The following RAPGEF4 variants were observed in gnomAD, a reference collection of about 807,000 sequenced individuals.
The protein encoded by RAPGEF4 is RAP guanine-nucleotide-exchange factor (GEF) 4.
Under a neutral mutation model 147.9 loss-of-function variants are expected in RAPGEF4, and 66 were observed. The ratio of observed to expected loss-of-function variants is 0.45; its 90% confidence interval spans 0.37 to 0.55. The LOEUF is 0.55. Ranked by LOEUF, RAPGEF4 falls within the 20% of genes least tolerant of loss-of-function variation. The pLI, the probability that RAPGEF4 is intolerant of heterozygous loss-of-function variation, is 0.00. For missense variants in RAPGEF4, 1,071 were observed against 1,257.3 expected (o/e 0.85, Z 2.24); for synonymous variants, 419 against 442.7 (o/e 0.95, Z 0.67).
At chr2:173,000,488 A>C (rs542891561) in intron 16 of RAPGEF4, among the ~76,000 whole-genome samples, 1 of 152,316 alleles carries the variant, frequency 6.6e-6, no homozygotes, top group East Asian at 1.9e-4. Flanking sequence ...GTTTGCCTTC[A>C]TGAGCTTTCC....
chr2:172,768,506 A>T (rs1475427613), intron 1 of RAPGEF4, among the ~76,000 whole-genome samples: 1 of 127,864 alleles, frequency 7.8e-6, no homozygotes, highest in Non-Finnish European at 1.6e-5. Context: ...AACCAAAAGT[A>T]AAAAAAAAAA....
intron 6 of RAPGEF4, among the ~76,000 whole-genome samples, chr2:172,951,745 G>A (rs1017497943): frequency 6.6e-6 from 1 of 152,182 alleles, no homozygotes; most frequent in Non-Finnish European, 1.5e-5. Flanking sequence ...GTTGCAAGGA[G>A]CCAGACAGTT....
intron 4 of RAPGEF4, chr2:172,889,631 G>GTATA (rs1264585687): frequency 6.6e-6 from 1 of 152,124 alleles, no homozygotes; most frequent in African/African-American, 2.4e-5. Flanking sequence ...GTATATATAT[G>GTATA]TATATATACA....
At chr2:172,932,250 C>T (rs1218710610) in intron 6 of RAPGEF4, among the ~76,000 whole-genome samples, 1 of 152,170 alleles carries the variant, frequency 6.6e-6, no homozygotes, top group African/African-American at 2.4e-5. Flanking sequence ...AGCTCATTCA[C>T]TCATTCATCC....
At chr2:172,903,350 CAG>C (rs1405640720) in intron 4 of RAPGEF4, among the ~76,000 whole-genome samples, 1 of 111,152 alleles carries the variant, frequency 9.0e-6, no homozygotes, top group African/African-American at 3.6e-5. Context: ...GACTGGGGGA[CAG>C]AGTGAGACTC....
chr2:173,008,268 A>G (rs1041507420), intron 17 of RAPGEF4, among the ~76,000 whole-genome samples: 6 of 152,170 alleles, frequency 3.9e-5, no homozygotes. Flanking sequence ...AAATTATCCT[A>G]GAGTTGAGCA....
intron 4 of RAPGEF4, among the ~76,000 whole-genome samples, chr2:172,870,648 G>T (rs59260287): frequency 6.6e-6 from 1 of 152,120 alleles, no homozygotes; most frequent in Non-Finnish European, 1.5e-5. Context: ...CTTCAGTCAC[G>T]GTGGGATGTT....
intron 3 of RAPGEF4, among the ~76,000 whole-genome samples, chr2:172,802,298 A>G (rs886560015): frequency 6.6e-6 from 1 of 152,334 alleles, no homozygotes; most frequent in East Asian, 1.9e-4. Context: ...TACAAAAGAA[A>G]TGAGTTTATT....
intron 1 of RAPGEF4, among the ~76,000 whole-genome samples, chr2:172,743,309 GA>G (rs1694464204): frequency 6.6e-6 from 1 of 152,186 alleles, no homozygotes; most frequent in African/African-American, 2.4e-5. Flanking sequence ...CAATCTGGCT[GA>G]CGAGCGGAGG....
At chr2:172,836,571 C>T (rs2149687882) in intron 4 of RAPGEF4, among the ~76,000 whole-genome samples, 1 of 152,314 alleles carries the variant, frequency 6.6e-6, no homozygotes, top group Non-Finnish European at 1.5e-5. Context: ...TTTTGACTTC[C>T]TCCCCCAAAT....
Position 173,014,565 on chromosome 2 carries a change from T to A in RAPGEF4, c.1760T>A (p.Met587Lys), listed in dbSNP as rs766866007. The change falls in exon 18 of 31, where the codon ATG (methionine) becomes AAG (lysine). Residue 587 changes from methionine to lysine, a missense_variant. By Grantham distance (95) the Met-to-Lys change is moderately conservative. Coordinates refer to ENST00000397081, the MANE Select transcript of RAPGEF4 (RefSeq NM_007023.4). ...CGCCTGGTTCTACAGTGGGCTGCCA[T>A]GTATGGAGACCTCCTGCAAGAGGAT... ...VIRLVLQWAAMYGDLLQEDDV... is the reference protein window; with the variant it reads ...VIRLVLQWAAKYGDLLQEDDV... 1 of 1,614,130 alleles carries A rather than the reference T, an allele frequency of 6.2e-7. No homozygotes were observed. Among genetic ancestry groups the A allele is most frequent in the Admixed American group, 1.7e-5 (1 of 60,016 alleles).
At chr2:172,828,108 A>G (rs1283820561) in intron 4 of RAPGEF4, among the ~76,000 whole-genome samples, 3 of 152,152 alleles carry the variant, frequency 2.0e-5, no homozygotes, top group Non-Finnish European at 2.9e-5. Flanking sequence ...GCCGTCAAGG[A>G]TCTTGCAACT....
At chr2:172,898,919 A>G (rs1370287814) in intron 4 of RAPGEF4, among the ~76,000 whole-genome samples, 1 of 152,004 alleles carries the variant, frequency 6.6e-6, no homozygotes. Context: ...GCACTCCTCC[A>G]CTCCCTCAGG....
chr2:172,798,259 C>T (rs990915435), intron 3 of RAPGEF4, among the ~76,000 whole-genome samples: 21 of 150,552 alleles, frequency 1.4e-4, no homozygotes, highest in African/African-American at 2.2e-4. Flanking sequence ...ATTAAAAAAA[C>T]GAAAACAAAA....
At chr2:172,850,475 G>A (rs573118930) in intron 4 of RAPGEF4, among the ~76,000 whole-genome samples, 6 of 152,024 alleles carry the variant, frequency 3.9e-5, no homozygotes, top group South Asian at 4.2e-4. Flanking sequence ...AAAATTAGCC[G>A]GGCATGGTGG....
At chr2:172,968,979 T>C (rs189414345) in intron 10 of RAPGEF4, among the ~76,000 whole-genome samples, 5 of 152,316 alleles carry the variant, frequency 3.3e-5, no homozygotes, top group Admixed American at 2.6e-4. Context: ...AGCCAACATA[T>C]GCAGTGGTTC....
chr2:172,949,984 G>C (rs1029111202), intron 6 of RAPGEF4, among the ~76,000 whole-genome samples: 1 of 152,188 alleles, frequency 6.6e-6, no homozygotes, highest in Admixed American at 6.5e-5. Context: ...GGGTATCTGA[G>C]ATAGCTGTAA....
chr2:172,999,182 A>T (rs921174958), intron 16 of RAPGEF4, among the ~76,000 whole-genome samples: 1 of 152,186 alleles, frequency 6.6e-6, no homozygotes, highest in African/African-American at 2.4e-5. Context: ...TCCATTTTTG[A>T]TGGTAGAGAC....
chr2:172,818,198 G>A (rs895065895), intron 4 of RAPGEF4, among the ~76,000 whole-genome samples: 1 of 151,780 alleles, frequency 6.6e-6, no homozygotes, highest in African/African-American at 2.4e-5. Flanking sequence ...AGGGGAGAGA[G>A]GGGTGAAGGA....
Sources: allele counts gnomAD v4.1 joint callset (sites outside exome capture counted in the v4.1 genomes callset), GRCh38; gene constraint gnomAD v4.1.1; transcripts MANE v1.5; gene names NCBI Gene and HGNC (gene_info 2026-07-23, HGNC 2026-07-21).